The following DYNC1I1 variants were observed in gnomAD, a reference collection of about 807,000 sequenced individuals.
The protein encoded by DYNC1I1 is cytoplasmic dynein 1 intermediate chain 1.
In DYNC1I1, 43 loss-of-function variants were observed where a neutral mutation model predicts 86.6. The ratio of observed to expected loss-of-function variants is 0.50; its 90% confidence interval spans 0.39 to 0.64. The LOEUF is 0.64. DYNC1I1 is among the 30% of genes least tolerant of loss of function. The pLI, the probability that DYNC1I1 is intolerant of heterozygous loss-of-function variation, is 0.00. For missense variants in DYNC1I1, 604 were observed against 788.8 expected (o/e 0.77, Z 2.81); for synonymous variants, 262 against 283.7 (o/e 0.92, Z 0.77).
chr7:95,995,435 C>A (rs1041047576), intron 9 of DYNC1I1, among the ~76,000 whole-genome samples: 3 of 152,092 alleles, frequency 2.0e-5, no homozygotes, highest in Non-Finnish European at 4.4e-5. Flanking sequence ...CCTGAGAAAT[C>A]CCCAGTAGGC....
intron 6 of DYNC1I1, among the ~76,000 whole-genome samples, chr7:95,938,904 G>T (rs1311139536): frequency 6.6e-6 from 1 of 152,058 alleles, no homozygotes; most frequent in Non-Finnish European, 1.5e-5. Flanking sequence ...GTCAATTTTG[G>T]ATCTTTCCTG....
intron 6 of DYNC1I1, among the ~76,000 whole-genome samples, chr7:95,887,667 T>G (rs941541720): frequency 3.9e-5 from 6 of 152,210 alleles, no homozygotes; most frequent in African/African-American, 1.4e-4. Context: ...TACCTGTATT[T>G]CAAAGGTTGC....
chr7:95,929,006 T>G (rs896293482), intron 6 of DYNC1I1, among the ~76,000 whole-genome samples: 2 of 152,184 alleles, frequency 1.3e-5, no homozygotes, highest in African/African-American at 2.4e-5. Context: ...TTCAAGATAC[T>G]CCTCGTTTGA....
At chr7:95,901,326 A>G (rs1427038548) in intron 6 of DYNC1I1, among the ~76,000 whole-genome samples, 1 of 152,222 alleles carries the variant, frequency 6.6e-6, no homozygotes, top group African/African-American at 2.4e-5. Flanking sequence ...AGCCTGAGGC[A>G]TAGTACAGGC....
Position 96,097,847 on chromosome 7 carries a change from T to A in DYNC1I1, c.*254T>A. On this transcript the variant is annotated 3_prime_UTR_variant, in exon 17 of 17. Transcript: ENST00000447467. ...GAAGAGAAGGGGGTTATGGGTTAAG[T>A]TGCTGCCTTTTAACTACTTTGTAGC... 8.3e-7 allele frequency: 1 copy of A among 1,197,916 alleles called. No homozygotes were observed. Among genetic ancestry groups the A allele is most frequent in the South Asian group, 2.7e-5 (1 of 36,770 alleles). 74.2% of individuals were successfully genotyped at this position (1,197,916 alleles called of 1,614,324 possible).
chr7:95,958,240 A>C (rs1025981106), intron 6 of DYNC1I1, among the ~76,000 whole-genome samples: 1 of 152,348 alleles, frequency 6.6e-6, no homozygotes, highest in African/African-American at 2.4e-5. Context: ...AAAATCTAGT[A>C]ACTTTCTTCT....
intron 6 of DYNC1I1, among the ~76,000 whole-genome samples, chr7:95,901,921 G>A (rs777729571): frequency 1.3e-5 from 2 of 152,228 alleles, no homozygotes; most frequent in African/African-American, 4.8e-5. Flanking sequence ...TTTCCCTGGT[G>A]ATGCTGAACA....
Position 95,869,949 on chromosome 7 carries a change from G to A in DYNC1I1, c.441G>A (p.Val147=). Residue 147 remains valine, a synonymous_variant, in exon 6 of 17, where the codon GTG becomes GTA. Transcript: ENST00000447467. ...TQVDFLPREV[V]SYSKETQTPL... ...TGGATTTCCTGCCAAGGGAAGTAGT[G>A]TCCTACTCAAAGGAGACCCAGACTC... 6.2e-7 allele frequency: 1 copy of A among 1,614,012 alleles called. No individual in the cohort carries two copies. Among genetic ancestry groups the A allele is most frequent in the Non-Finnish European group, 8.5e-7 (1 of 1,179,906 alleles).
intron 5 of DYNC1I1, among the ~76,000 whole-genome samples, chr7:95,868,786 A>G (rs1205383890): frequency 6.6e-6 from 1 of 152,204 alleles, no homozygotes; most frequent in Non-Finnish European, 1.5e-5. Flanking sequence ...ACAATTAGAA[A>G]GTACCTCTGT....
intron 4 of DYNC1I1, among the ~76,000 whole-genome samples, chr7:95,814,489 G>A (rs534914504): frequency 1.2e-3 from 185 of 152,194 alleles, no homozygotes; most frequent in African/African-American, 4.3e-3. Context: ...TCTTGCCTCC[G>A]TATGTATTAC....
At chr7:95,950,991 TTGTC>T (rs1181545449) in intron 6 of DYNC1I1, among the ~76,000 whole-genome samples, 2 of 152,172 alleles carry the variant, frequency 1.3e-5, no homozygotes, top group Admixed American at 1.3e-4. Context: ...CAAAATGAAA[TTGTC>T]TGAGCCAAGA....
chr7:95,833,749 A>C (rs1788991172), intron 5 of DYNC1I1, among the ~76,000 whole-genome samples: 1 of 138,732 alleles, frequency 7.2e-6, no homozygotes, highest in African/African-American at 2.7e-5. Context: ...ATGGGAGTTC[A>C]CTCATGATTT....
chr7:96,000,248 G>A (rs143078244), intron 10 of DYNC1I1, among the ~76,000 whole-genome samples: 2 of 152,246 alleles, frequency 1.3e-5, no homozygotes, highest in African/African-American at 4.8e-5. Context: ...CTTTATAATT[G>A]CCAAATAAAC....
rs139052616 is a variant in DYNC1I1, at chr7:96,043,724, T to G, written c.1509+4303T>G. Among the ~76,000 whole-genome samples, 1,043 of 152,252 alleles carry G rather than the reference T, an allele frequency of 6.9e-3. 10 individuals carry two copies. Among genetic ancestry groups the G allele is most frequent in the African/African-American group, 0.024 (997 of 41,536 alleles). ...CAGTACTATTTTTAGTAATTTTTTTTTTTTGAAATGTAGTCTCTCTCTGTT... is the reference window on the plus strand; with the variant it reads ...CAGTACTATTTTTAGTAATTTTTTTGTTTTGAAATGTAGTCTCTCTCTGTT... On this transcript the variant is annotated intron_variant, in intron 14 of 16. Transcript: ENST00000447467.
chr7:96,009,891 T>G (rs1197654286), intron 10 of DYNC1I1, among the ~76,000 whole-genome samples: 1 of 151,978 alleles, frequency 6.6e-6, no homozygotes, highest in Non-Finnish European at 1.5e-5. Context: ...GCGATTCTCC[T>G]GCCTCAGCCT....
intron 4 of DYNC1I1, chr7:95,818,599 C>A (rs1226133117): frequency 1.7e-6 from 1 of 599,176 alleles, no homozygotes; most frequent in Admixed American, 2.4e-5. Context: ...TCCTGCCTCT[C>A]CCTCCCAAAG....
At chr7:96,032,406 T>G (rs140002584) in intron 11 of DYNC1I1, among the ~76,000 whole-genome samples, 19 of 152,286 alleles carry the variant, frequency 1.2e-4, no homozygotes, top group African/African-American at 4.6e-4. Context: ...CCTCATTTGT[T>G]CTAGCGTCCT....
intron 1 of DYNC1I1, among the ~76,000 whole-genome samples, chr7:95,786,159 T>G (rs1450027831): frequency 1.3e-5 from 2 of 152,052 alleles, no homozygotes; most frequent in Non-Finnish European, 2.9e-5. Context: ...CCTGGGTCAG[T>G]TATGTCCTGA....
intron 8 of DYNC1I1, among the ~76,000 whole-genome samples, 177 bp downstream of exon 8, chr7:95,985,154 C>A (rs890333015): frequency 6.6e-6 from 1 of 152,102 alleles, no homozygotes; most frequent in Non-Finnish European, 1.5e-5. Flanking sequence ...TGGCTTAGAG[C>A]GTCCTTGTAA....
Sources: allele counts gnomAD v4.1 joint callset (sites outside exome capture counted in the v4.1 genomes callset), GRCh38; gene constraint gnomAD v4.1.1; transcripts MANE v1.5; gene names NCBI Gene and HGNC (gene_info 2026-07-23, HGNC 2026-07-21).